The following PCDH15 variants were observed in gnomAD, a reference collection of about 807,000 sequenced individuals.
The protein encoded by PCDH15 is protocadherin related 15.
Under a neutral mutation model 178.5 loss-of-function variants are expected in PCDH15, and 129 were observed. That is an observed-to-expected ratio of 0.72 (90% CI 0.63 to 0.84). PCDH15 has a LOEUF of 0.84. Among genes scored for constraint, PCDH15 ranks in the 40% least tolerant of loss-of-function variants. PCDH15 has a pLI of 0.00. For synonymous variants in PCDH15, 800 were observed against 732.0 expected, an observed-to-expected ratio of 1.09 and a Z score of -1.50; for missense variants, 2,230 against 2,099.9, an observed-to-expected ratio of 1.06 and a Z score of -1.21.
intron 3 of PCDH15, among the ~76,000 whole-genome samples, chr10:54,859,290 C>G (rs944345169): frequency 6.6e-6 from 1 of 152,032 alleles, no homozygotes; most frequent in East Asian, 1.9e-4. Flanking sequence ...TAGTTCATTT[C>G]CATTACAATG....
intron 3 of PCDH15, among the ~76,000 whole-genome samples, chr10:54,512,792 A>G (rs1278462602): frequency 6.6e-6 from 1 of 152,164 alleles, no homozygotes; most frequent in Non-Finnish European, 1.5e-5. Context: ...TCAAAATATT[A>G]TATTCTGTCT....
intron 10 of PCDH15, among the ~76,000 whole-genome samples, chr10:54,198,602 C>T (rs1331238546): frequency 5.4e-5 from 5 of 93,372 alleles, no homozygotes; most frequent in Admixed American, 1.1e-4. Flanking sequence ...CCCGGGTTCA[C>T]GCCATTCTCC....
At chr10:55,507,341 TACAC>T (rs1477347970) in intron 2 of PCDH15, among the ~76,000 whole-genome samples, 3 of 151,232 alleles carry the variant, frequency 2.0e-5, no homozygotes, top group Non-Finnish European at 4.4e-5. Flanking sequence ...AACATGCACA[TACAC>T]ACACATATGC....
intron 1 of PCDH15, among the ~76,000 whole-genome samples, chr10:54,789,117 A>T (rs1951158456): frequency 6.6e-6 from 1 of 151,904 alleles, no homozygotes; most frequent in South Asian, 2.1e-4. Flanking sequence ...CTCCCAAAAC[A>T]TTCATATTTA....
intron 1 of PCDH15, among the ~76,000 whole-genome samples, chr10:55,312,383 G>C (rs1843606356): frequency 6.6e-6 from 1 of 152,060 alleles, no homozygotes. Flanking sequence ...GATTCTAAAA[G>C]CTTAAGAAAT....
intron 3 of PCDH15, among the ~76,000 whole-genome samples, chr10:54,398,840 A>G (rs1037831862): frequency 6.6e-6 from 1 of 152,082 alleles, no homozygotes; most frequent in African/African-American, 2.4e-5. Flanking sequence ...CATAGGATAG[A>G]ATTAAACTAG....
At chr10:54,567,728 T>G (rs956678196) in intron 2 of PCDH15, among the ~76,000 whole-genome samples, 5 of 152,126 alleles carry the variant, frequency 3.3e-5, no homozygotes, top group Non-Finnish European at 7.4e-5. Context: ...TTTTTATAAT[T>G]TACCTATAAA....
intron 2 of PCDH15, among the ~76,000 whole-genome samples, chr10:55,526,023 T>A (rs887197779): frequency 4.6e-5 from 7 of 151,976 alleles, no homozygotes; most frequent in African/African-American, 1.7e-4. Flanking sequence ...GCATTTTAAA[T>A]GTATAGTTAA....
intron 14 of PCDH15, among the ~76,000 whole-genome samples, chr10:54,145,987 A>G (rs2043868786): frequency 6.6e-6 from 1 of 152,036 alleles, no homozygotes; most frequent in Non-Finnish European, 1.5e-5. Flanking sequence ...ATCTACTGCT[A>G]TCTGTCTAGA....
intron 2 of PCDH15, among the ~76,000 whole-genome samples, chr10:54,658,251 A>T (rs939642747): frequency 6.6e-6 from 1 of 152,140 alleles, no homozygotes; most frequent in Non-Finnish European, 1.5e-5. Context: ...TCATCTTGTC[A>T]GAGAGGAGGA....
At chr10:53,875,285 T>C (rs1414465459) in intron 26 of PCDH15, among the ~76,000 whole-genome samples, 1 of 151,992 alleles carries the variant, frequency 6.6e-6, no homozygotes, top group Non-Finnish European at 1.5e-5. Flanking sequence ...ATAATAAGTA[T>C]TGTTTTCTTA....
At chr10:55,487,583 G>A (rs1284023988) in intron 2 of PCDH15, among the ~76,000 whole-genome samples, 2 of 151,522 alleles carry the variant, frequency 1.3e-5, no homozygotes, top group African/African-American at 4.8e-5. Context: ...TCTCACTGCT[G>A]AATATACTCT....
intron 29 of PCDH15, among the ~76,000 whole-genome samples, chr10:53,832,869 A>G (rs1343930468): frequency 5.3e-5 from 8 of 152,028 alleles, no homozygotes; most frequent in African/African-American, 1.4e-4. Flanking sequence ...TCACATATGA[A>G]TTCCATCACA....
At chr10:54,731,545 GATATATATATAT>G (rs1167781763) in intron 1 of PCDH15, among the ~76,000 whole-genome samples, 4 of 80,290 alleles carry the variant, frequency 5.0e-5, no homozygotes, top group South Asian at 5.2e-4. Flanking sequence ...ATGTGAGATA[GATATATATATAT>G]ATATATACAC....
chr10:54,973,894 T>C (rs193179190), intron 2 of PCDH15, among the ~76,000 whole-genome samples: 271 of 152,160 alleles, frequency 1.8e-3, no homozygotes, highest in African/African-American at 6.1e-3. Flanking sequence ...CTCATATCTC[T>C]AAAAATCTAA....
chr10:54,255,957 T>G (rs1183385222), intron 8 of PCDH15, among the ~76,000 whole-genome samples: 1 of 152,144 alleles, frequency 6.6e-6, no homozygotes, highest in Non-Finnish European at 1.5e-5. Flanking sequence ...CAAGAATAAC[T>G]TAAACTCCTT....
intron 8 of PCDH15, among the ~76,000 whole-genome samples, chr10:54,280,237 G>A (rs2058602623): frequency 6.6e-6 from 1 of 150,514 alleles, no homozygotes; most frequent in Non-Finnish European, 1.5e-5. Flanking sequence ...GCCTATTCAT[G>A]TGGCTTCTGT....
At chr10:54,051,101 C>T (rs1352136113) in intron 18 of PCDH15, among the ~76,000 whole-genome samples, 2 of 152,108 alleles carry the variant, frequency 1.3e-5, no homozygotes, top group African/African-American at 2.4e-5. Flanking sequence ...TCAATTAAAC[C>T]TCTTTCCTTT....
chr10:54,695,609 G>A (rs1206758100), intron 1 of PCDH15, among the ~76,000 whole-genome samples: 3 of 152,092 alleles, frequency 2.0e-5, no homozygotes, highest in Admixed American at 6.6e-5. Context: ...TAACTAGAGA[G>A]AAGTCAATGC....
Sources: allele counts gnomAD v4.1 joint callset (sites outside exome capture counted in the v4.1 genomes callset), GRCh38; gene constraint gnomAD v4.1.1; transcripts MANE v1.5; gene names NCBI Gene and HGNC (gene_info 2026-07-23, HGNC 2026-07-21).